LYSMD1: variants seen among roughly 807,000 people sequenced by gnomAD.
LYSMD1 encodes the protein lysM and putative peptidoglycan-binding domain-containing protein 1.
Under a neutral mutation model 19.3 loss-of-function variants are expected in LYSMD1, and 9 were observed. That is an observed-to-expected ratio of 0.47 (90% confidence interval 0.28 to 0.81). LYSMD1 has a LOEUF of 0.81. LYSMD1 is among the 40% of genes least tolerant of loss of function. The pLI, the probability that LYSMD1 is intolerant of heterozygous loss-of-function variation, is 0.11. For missense variants in LYSMD1, 262 were observed against 279.8 expected, an observed-to-expected ratio of 0.94 and a Z score of 0.45; for synonymous variants, 111 against 111.7, an observed-to-expected ratio of 0.99 and a Z score of 0.04.
Position 151,161,983 on chromosome 1 carries a change from C to G in LYSMD1, c.298G>C (p.Glu100Gln), listed in dbSNP as rs370583370. The change falls in exon 2 of 3, where the codon GAG becomes CAG. Residue 100 changes from glutamate (E) to glutamine (Q), a missense_variant. By Grantham distance (29) the Glu-to-Gln change is conservative. Coordinates refer to ENST00000368908, the MANE Select transcript of LYSMD1 (RefSeq NM_212551.5). ...TTTTCCTCTCCATCTTTCTCTTCCT[C>G]AGAGTCCAAACCATTGAACAGGTCT... The part of the protein sequence containing the change: ...PRDLFNGLDS[E>Q]EEKDGEEKVH... 6.2e-7 allele frequency: 1 copy of G among 1,613,994 alleles called. No individual in the cohort carries two copies. Among genetic ancestry groups the G allele is most frequent in the African/African-American group, 1.3e-5 (1 of 74,890 alleles).
In LYSMD1 at chr1:151,161,740, TTTCCCCTTTTTTCA is replaced by T. The variant is rs1394787058; in HGVS notation, c.527_540del (p.Leu176GlnfsTer43). The T allele has an allele frequency of 1.9e-6, 3 of 1,609,188 alleles. No homozygotes were observed. In the Admixed American group the frequency reaches 5.2e-5, roughly 28 times the overall value. On this transcript the variant is annotated frameshift_variant, in exon 2 of 3. Transcript: ENST00000368908. LOFTEE classifies it high-confidence loss of function. ...AAGGAACCATTCAAGACTCACCCAT[TTTCCCCTTTTTTCA>T]GCTTCTGAGCAGCAGCCTTCTTGGA...
At chr1:151,155,243 G>A (rs1683194031), downstream of LYSMD1, among the ~76,000 whole-genome samples, 1 of 152,110 alleles carries the variant, frequency 6.6e-6, no homozygotes, top group Non-Finnish European at 1.5e-5. Flanking sequence ...TGGCTATTAA[G>A]TAGTTGAATC....
intron 1 of LYSMD1, among the ~76,000 whole-genome samples, chr1:151,164,119 C>T (rs587607466): frequency 6.6e-6 from 1 of 152,166 alleles, no homozygotes; most frequent in East Asian, 1.9e-4. Flanking sequence ...GTCTCGTACT[C>T]GTAACCTTAG....
chr1:151,155,637 G>A (rs1483975787), downstream of LYSMD1, among the ~76,000 whole-genome samples: 6 of 152,138 alleles, frequency 3.9e-5, no homozygotes, highest in Non-Finnish European at 1.5e-5. Flanking sequence ...GAGCTCTTGA[G>A]CCCAGGAGGT....
chr1:151,159,076 C>T (rs772236934), downstream of LYSMD1: 1 of 1,614,160 alleles, frequency 6.2e-7, no homozygotes, highest in Admixed American at 1.7e-5. Flanking sequence ...CCGGGATGTG[C>T]TGCTAGAGTT....
chr1:151,161,656 T>C, intron 2 of LYSMD1, 80 bp downstream of exon 2: 3 of 1,545,212 alleles, frequency 1.9e-6, no homozygotes, highest in Non-Finnish European at 1.7e-6. Context: ...TGTCCTTACT[T>C]ACTTGTGTTT....
intron 1 of LYSMD1, among the ~76,000 whole-genome samples, chr1:151,162,643 T>C (rs1005780240): frequency 1.3e-5 from 2 of 152,202 alleles, no homozygotes; most frequent in African/African-American, 4.8e-5. Flanking sequence ...TTTTGACCTA[T>C]TTATTCATCA....
At chr1:151,158,059 TC>T (rs1355288787), downstream of LYSMD1, among the ~76,000 whole-genome samples, 1 of 152,040 alleles carries the variant, frequency 6.6e-6, no homozygotes, top group Non-Finnish European at 1.5e-5. Context: ...GCGTGGTGGC[TC>T]ACGCCTGTAT....
chr1:151,150,236 G>A, the LYSMD1 span, among the ~76,000 whole-genome samples: 6 of 152,122 alleles, frequency 3.9e-5, no homozygotes, highest in Non-Finnish European at 7.3e-5. Context: ...GATTACCGGC[G>A]TCAGCCACCA....
chr1:151,156,100 CAAAAAA>C (rs751524835), downstream of LYSMD1, among the ~76,000 whole-genome samples: 1,655 of 38,056 alleles, frequency 0.043, 42 homozygotes, highest in African/African-American at 0.12. Context: ...AACTCTGTCT[CAAAAAA>C]AAAAAAAAAA....
chr1:151,159,467 GC>G, downstream of LYSMD1: 1 of 550,884 alleles, frequency 1.8e-6, no homozygotes, highest in Non-Finnish European at 3.3e-6. Flanking sequence ...TCCCACTCCA[GC>G]CCCAGGACAG....
the LYSMD1 span, among the ~76,000 whole-genome samples, chr1:151,154,478 C>CAA: frequency 0.032 from 2,654 of 83,024 alleles, 102 homozygotes; most frequent in African/African-American, 0.077. Flanking sequence ...AAGACTCTGT[C>CAA]AAAAAAAAAA....
chr1:151,155,635 G>A (rs1683199886), downstream of LYSMD1, among the ~76,000 whole-genome samples: 2 of 152,158 alleles, frequency 1.3e-5, no homozygotes, highest in African/African-American at 4.8e-5. Flanking sequence ...AAGAGCTCTT[G>A]AGCCCAGGAG....
chr1:151,161,033 A>G lies in LYSMD1; in HGVS notation c.546-13T>C. The G allele has an allele frequency of 6.2e-7, 1 of 1,612,928 alleles. No individual in the cohort carries two copies. Among genetic ancestry groups the G allele is most frequent in the Non-Finnish European group, 8.5e-7 (1 of 1,179,126 alleles). On this transcript the variant is annotated splice_polypyrimidine_tract_variant and intron_variant, in intron 2 of 2. Transcript: ENST00000368908. The stretch of plus-strand genomic sequence containing the variant: ...CTCCCCAGGTACCCTGCAATTGAGG[A>G]AAGGGGGGAAAGAGTGACAGATCAA...
At chr1:151,155,073 T>A (rs1042739633), downstream of LYSMD1, among the ~76,000 whole-genome samples, 43 of 152,346 alleles carry the variant, frequency 2.8e-4, no homozygotes, top group East Asian at 7.3e-3. Context: ...GGCAACTTTT[T>A]TAAAGTTTGC....
chr1:151,158,541 T>G, downstream of LYSMD1: 1 of 693,546 alleles, frequency 1.4e-6, no homozygotes, highest in Non-Finnish European at 2.4e-6. Flanking sequence ...CATAGAGGAC[T>G]GAGGGGCCCC....
chr1:151,151,118 T>C, the LYSMD1 span, among the ~76,000 whole-genome samples: 1 of 152,080 alleles, frequency 6.6e-6, no homozygotes, highest in African/African-American at 2.4e-5. Context: ...ACCTCTTTCT[T>C]CTCTACCCAT....
rs1683474782 is a variant in LYSMD1, at chr1:151,161,978, T to C, written c.303A>G (p.Glu101=). The part of the protein sequence containing the change: ...RDLFNGLDSE[E]EKDGEEKVHP... ...GTACTTTTTCCTCTCCATCTTTCTC[T>C]TCCTCAGAGTCCAAACCATTGAACA... is the stretch of plus-strand genomic sequence containing the variant. Residue 101 remains glutamate, a synonymous_variant, in exon 2 of 3, where the codon GAA becomes GAG. Transcript: ENST00000368908. 6.2e-7 allele frequency: 1 copy of C among 1,614,070 alleles called. No homozygotes were observed. Among genetic ancestry groups the C allele is most frequent in the Non-Finnish European group, 8.5e-7 (1 of 1,179,952 alleles).
chr1:151,163,341 G>A (rs1157620258), intron 1 of LYSMD1, among the ~76,000 whole-genome samples: 1 of 151,782 alleles, frequency 6.6e-6, no homozygotes, highest in Non-Finnish European at 1.5e-5. Flanking sequence ...AGTCCTTTAA[G>A]GGCAAGGATT....
Sources: allele counts gnomAD v4.1 joint callset (sites outside exome capture counted in the v4.1 genomes callset), GRCh38; gene constraint gnomAD v4.1.1; transcripts MANE v1.5; gene names NCBI Gene and HGNC (gene_info 2026-07-23, HGNC 2026-07-21).